The following IGLL5 variants were observed in gnomAD, a reference collection of about 807,000 sequenced individuals.
The protein encoded by IGLL5 is immunoglobulin lambda like polypeptide 5, also known as immunoglobulin lambda-like polypeptide 5.
In IGLL5, 30 loss-of-function variants were observed where a neutral mutation model predicts 20.9. The ratio of observed to expected loss-of-function variants is 1.44; its 90% confidence interval spans 1.07 to 1.95. The LOEUF (loss-of-function observed/expected upper bound fraction) is 1.95, where lower values mean the gene tolerates loss of function less well. Among genes scored for constraint, IGLL5 ranks in the 30% most tolerant of loss-of-function variants. IGLL5 has a pLI of 0.00. For missense variants in IGLL5, 475 were observed against 270.7 expected (o/e 1.75, Z -5.30); for synonymous variants, 203 against 117.3 (o/e 1.73, Z -4.72).
rs527620183 is a variant in IGLL5, at chr22:22,889,023, A to G, written c.206+764A>G. On this transcript the variant is annotated intron_variant, in intron 1 of 2. Transcript: ENST00000526893. ...ACTGGGAAGGGGAGGCAAGAAGACC[A>G]TAGGGTCCGTGCACCATTCCCAGTC... Among the ~76,000 whole-genome samples the G allele has an allele frequency of 5.3e-5, 8 of 151,366 alleles. No individual in the cohort carries two copies. The East Asian group carries it at 6.1e-4, about 11-fold the overall frequency.
intron 1 of IGLL5, among the ~76,000 whole-genome samples, chr22:22,890,507 A>T (rs2067803614): frequency 7.1e-6 from 1 of 141,100 alleles, no homozygotes; most frequent in East Asian, 2.3e-4. Flanking sequence ...GCCAGAATTT[A>T]TTTCCACTAA....
intron 1 of IGLL5, among the ~76,000 whole-genome samples, chr22:22,889,191 A>C (rs2067694764): frequency 1.3e-5 from 2 of 151,124 alleles, no homozygotes; most frequent in Admixed American, 6.6e-5. Flanking sequence ...AGTCCAGGGT[A>C]GGTGGGGATC....
At chr22:22,893,052 A>G (rs1164321144) in intron 1 of IGLL5, among the ~76,000 whole-genome samples, 1 of 151,192 alleles carries the variant, frequency 6.6e-6, no homozygotes, top group East Asian at 2.0e-4. Flanking sequence ...GGATCCTGCC[A>G]TGTCCCAGCA....
intron 2 of IGLL5, among the ~76,000 whole-genome samples, chr22:22,894,890 G>C (rs141729563): frequency 6.6e-6 from 1 of 151,450 alleles, no homozygotes; most frequent in African/African-American, 2.4e-5. Context: ...GGAAGCTCCA[G>C]TTCAAAGCAG....
In IGLL5 at chr22:22,890,553, TTGTGTGTGTGTGTGTGTGTGTGTGTG is replaced by T. The variant is rs3029157; in HGVS notation, c.206+2316_206+2341del. ...TGACAAATGATGCTGCAGTGGAAAT[TTGTGTGTGTGTGTGTGTGTGTGTGTG>T]TGTGTGTGTGTGTGTGTGTGTATGT... On this transcript the variant is annotated intron_variant, in intron 1 of 2. Transcript: ENST00000526893. Among the ~76,000 whole-genome samples the T allele has an allele frequency of 3.3e-5, 4 of 120,980 alleles. No homozygotes were observed. The South Asian group carries it at 9.8e-4, about 29-fold the overall frequency. 79.4% of individuals were successfully genotyped at this position (120,980 alleles called of 152,430 possible).
intron 1 of IGLL5, among the ~76,000 whole-genome samples, chr22:22,892,131 T>C (rs563207761): frequency 2.6e-5 from 4 of 151,258 alleles, no homozygotes; most frequent in Non-Finnish European, 5.9e-5. Flanking sequence ...TGCTGTAAAT[T>C]TGGGGAGATA....
Position 22,888,058 on chromosome 22 carries a change from G to C in IGLL5, c.5G>C (p.Arg2Thr), listed in dbSNP as rs2145975050. Residue 2 changes from arginine (R) to threonine (T), a missense_variant, in exon 1 of 3, where the codon AGA becomes ACA. Physicochemically the swap from Arg to Thr is moderately conservative, Grantham distance 71. Transcript: ENST00000526893. ...TGCCCCTGAACCTGAAGGCCAATGAGACCCAAGACAGGCCAAGTGGGTTGT... is the reference window on the plus strand; with the variant it reads ...TGCCCCTGAACCTGAAGGCCAATGACACCCAAGACAGGCCAAGTGGGTTGT... Reference protein sequence around the residue: MRPKTGQVGCET... With the variant: MTPKTGQVGCET... 2 of 1,549,164 alleles carry C rather than the reference G, an allele frequency of 1.3e-6. No homozygotes were observed. The highest frequency in any genetic ancestry group is 4.9e-5 in the East Asian group (2 of 40,652).
intron 2 of IGLL5, among the ~76,000 whole-genome samples, 180 bp downstream of exon 2, chr22:22,893,998 C>CTTTAT (rs2067964244): frequency 6.7e-6 from 1 of 150,170 alleles, no homozygotes; most frequent in Admixed American, 6.6e-5. Flanking sequence ...GAAGGGCCTC[C>CTTTAT]ACAGTGGGAG....
Position 22,888,635 on chromosome 22 carries a change from T to C in IGLL5, c.206+376T>C, listed in dbSNP as rs534077871. The stretch of plus-strand genomic sequence containing the variant: ...GGGTGCCCAGGCCTGTTCCTCCCCC[T>C]CCTCCTCTCTGCCCATGTGCCTCCT... On this transcript the variant is annotated intron_variant, in intron 1 of 2. Coordinates refer to ENST00000526893, the MANE Select transcript of IGLL5 (RefSeq NM_001178126.2). Among the ~76,000 whole-genome samples the C allele has an allele frequency of 4.6e-5, 7 of 151,076 alleles. No homozygotes were observed. The East Asian group carries it at 6.2e-4, about 13-fold the overall frequency.
intron 1 of IGLL5, among the ~76,000 whole-genome samples, chr22:22,889,658 G>A (rs1270270452): frequency 2.0e-5 from 3 of 151,274 alleles, no homozygotes; most frequent in Non-Finnish European, 2.9e-5. Context: ...CGTGGCCACA[G>A]CTCACTGCAG....
At chr22:22,892,742 C>T (rs1217373494) in intron 1 of IGLL5, among the ~76,000 whole-genome samples, 1 of 150,790 alleles carries the variant, frequency 6.6e-6, no homozygotes, top group Non-Finnish European at 1.5e-5. Context: ...GGATCTAAGA[C>T]CCCTGGACAG....
At chr22:22,892,792 T>C (rs1430212920) in intron 1 of IGLL5, among the ~76,000 whole-genome samples, 3 of 150,844 alleles carry the variant, frequency 2.0e-5, no homozygotes, top group African/African-American at 4.9e-5. Context: ...CAGAGAAAAT[T>C]AGGAGACTAC....
Position 22,888,473 on chromosome 22 carries a change from G to C in IGLL5, c.206+214G>C, listed in dbSNP as rs183685610. Among the ~76,000 whole-genome samples the C allele has an allele frequency of 1.3e-4, 20 of 151,266 alleles. 1 individual carries two copies. Among genetic ancestry groups the C allele is most frequent in the Middle Eastern group, 3.7e-3 (1 of 270 alleles). On this transcript the variant is annotated intron_variant, in intron 1 of 2. Coordinates refer to ENST00000526893, the MANE Select transcript of IGLL5 (RefSeq NM_001178126.2). The stretch of plus-strand genomic sequence containing the variant: ...ATCATATTACGATATTATTTTTCTT[G>C]ATTTCTGAGTTTTCTGGCGCCACTT...
intron 1 of IGLL5, among the ~76,000 whole-genome samples, chr22:22,888,549 T>C (rs142182351): frequency 1.3e-5 from 2 of 151,310 alleles, no homozygotes; most frequent in African/African-American, 4.8e-5. Context: ...GTCCTCTGGG[T>C]AGGGAAGGAA....
intron 1 of IGLL5, among the ~76,000 whole-genome samples, chr22:22,891,104 G>A (rs186923516): frequency 1.1e-4 from 16 of 151,090 alleles, no homozygotes; most frequent in African/African-American, 1.7e-4. Context: ...TTTATGTGTC[G>A]AACTGGTTTA....
intron 2 of IGLL5, among the ~76,000 whole-genome samples, chr22:22,895,139 AG>A (rs151091572): frequency 6.6e-6 from 1 of 150,710 alleles, no homozygotes; most frequent in Non-Finnish European, 1.5e-5. Context: ...TGTAGAGGAG[AG>A]GGGCTGGGCC....
rs555147862 is a variant in IGLL5 at position 22,890,225 on chromosome 22, C to T, written c.206+1966C>T. Among the ~76,000 whole-genome samples, 5 of 148,520 alleles carry T rather than the reference C, an allele frequency of 3.4e-5. No homozygotes were observed. In the South Asian group the frequency reaches 6.5e-4, roughly 19 times the overall value. Reference sequence around the variant, plus strand: ...AGTAAAAGCAAGTGCTTCTGCTTACCATCTCTCACCTCTTCCCAGAGATAG... The same window carrying T: ...AGTAAAAGCAAGTGCTTCTGCTTACTATCTCTCACCTCTTCCCAGAGATAG... On this transcript the variant is annotated intron_variant, in intron 1 of 2. Coordinates refer to ENST00000526893, the MANE Select transcript of IGLL5 (RefSeq NM_001178126.2).
chr22:22,889,595 T>A (rs189753947), intron 1 of IGLL5, among the ~76,000 whole-genome samples: 1 of 151,288 alleles, frequency 6.6e-6, no homozygotes, highest in Admixed American at 6.6e-5. Flanking sequence ...GGGACTGTTG[T>A]TGTTTTTGTT....
In IGLL5 at chr22:22,888,172, G is replaced by C. The variant is rs565314713; in HGVS notation, c.119G>C (p.Arg40Pro). 1 of 1,549,094 alleles carries C rather than the reference G, an allele frequency of 6.5e-7. No individual in the cohort carries two copies. Among genetic ancestry groups the C allele is most frequent in the Non-Finnish European group, 8.7e-7 (1 of 1,146,626 alleles). ...GLAMVAHGLL[R>P]PMVAPQSGDP... The stretch of plus-strand genomic sequence containing the variant: ...GCCATGGTCGCCCATGGCCTGCTGC[G>C]CCCAATGGTTGCACCGCAAAGCGGG... The change falls in exon 1 of 3, where the codon CGC becomes CCC. Residue 40 changes from arginine (R) to proline (P), a missense_variant. Transcript: ENST00000526893.
Sources: allele counts gnomAD v4.1 joint callset (sites outside exome capture counted in the v4.1 genomes callset), GRCh38; gene constraint gnomAD v4.1.1; transcripts MANE v1.5; gene names NCBI Gene and HGNC (gene_info 2026-07-23, HGNC 2026-07-21).